LCOR: variants seen among roughly 807,000 people sequenced by gnomAD.
The protein encoded by LCOR is ligand-dependent corepressor.
Under a neutral mutation model 64.4 loss-of-function variants are expected in LCOR, and 14 were observed. The observed-to-expected ratio is 0.22, with a 90% CI of 0.14 to 0.34. LCOR has a LOEUF of 0.34. Among genes scored for constraint, LCOR ranks in the 10% least tolerant of loss-of-function variants. LCOR has a pLI of 1.00. For synonymous variants in LCOR, 643 were observed against 642.5 expected (o/e 1.00, Z -0.01); for missense variants, 1,686 against 1,765.3 (o/e 0.96, Z 0.80).
At chr10:96,940,522 C>G (rs1202089760) in intron 4 of LCOR, among the ~76,000 whole-genome samples, 1 of 113,494 alleles carries the variant, frequency 8.8e-6, no homozygotes, top group Non-Finnish European at 1.8e-5. Flanking sequence ...TGACTCTTAA[C>G]GAGCATGCTG....
chr10:96,879,697 C>CT (rs1846228981), intron 2 of LCOR, among the ~76,000 whole-genome samples: 3 of 152,244 alleles, frequency 2.0e-5, no homozygotes, highest in Middle Eastern at 6.8e-3. Flanking sequence ...TCACCTCACT[C>CT]TGTCGCCCAG....
chr10:96,969,870 CTT>C (rs1165645988), intron 7 of LCOR, among the ~76,000 whole-genome samples: 1 of 137,750 alleles, frequency 7.3e-6, no homozygotes, highest in Non-Finnish European at 1.5e-5. Context: ...AGCTCCGAGT[CTT>C]GGGTTCACAC....
At position 96,990,816 on chromosome 10, in the gene LCOR, G is replaced by A. The variant is rs1473918372; in HGVS notation, c.*5682G>A. 1 of 152,088 alleles carries A rather than the reference G, an allele frequency of 6.6e-6. No individual in the cohort carries two copies. Among genetic ancestry groups the A allele is most frequent in the Admixed American group, 6.6e-5 (1 of 15,256 alleles). The allele number at this position is 152,088 out of a possible 1,614,324, so 9.4% of individuals were successfully genotyped here. A position where few individuals can be genotyped will look rare whatever the true frequency, so the allele number is the denominator to read the frequency against. ...GAGATGTCCTTTGCTCCATCCTTCA[G>A]AGGGGCAGTTGTGTAGTTATGCTGC... On this transcript the variant is annotated 3_prime_UTR_variant, in exon 8 of 8. Coordinates refer to ENST00000421806, the MANE Select transcript of LCOR (RefSeq NM_001346516.2).
chr10:96,951,041 A>T (rs1186845526), intron 6 of LCOR, among the ~76,000 whole-genome samples: 1 of 152,122 alleles, frequency 6.6e-6, no homozygotes, highest in African/African-American at 2.4e-5. Flanking sequence ...AACAGCCGGA[A>T]ATAAAATGTC....
In LCOR at chr10:96,833,504, G is replaced by A. The variant is rs979407700; in HGVS notation, c.-330+25G>A. ...AGTAAGTGGCCCGTGTGGTGTCTCC[G>A]CTCCGCCCGCCGCCCCCTAGCCCCA... On this transcript the variant is annotated intron_variant, in intron 2 of 7. Transcript: ENST00000421806. The A allele has an allele frequency of 5.2e-6, 5 of 954,506 alleles. No homozygotes were observed. In the African/African-American group the frequency reaches 8.8e-5, roughly 17 times the overall value. 59.1% of individuals were successfully genotyped at this position (954,506 alleles called of 1,614,324 possible).
At chr10:96,956,860 C>T in intron 7 of LCOR, 1 of 985,230 alleles carries the variant, frequency 1.0e-6, no homozygotes, top group African/African-American at 1.7e-5. Flanking sequence ...AACTGAATAT[C>T]ATTGCAGCAA....
chr10:96,878,503 T>C lies in LCOR; in HGVS notation c.-329-28762T>C, dbSNP rs542609890. Among the ~76,000 whole-genome samples, 328 of 152,306 alleles carry C rather than the reference T, an allele frequency of 2.2e-3. 1 individual carries two copies. The highest frequency in any genetic ancestry group is 3.4e-3 in the Middle Eastern group (1 of 294). ...TAAAGAGAGGAGATTAGGAGGACTC[T>C]AAAGTTTTTGGTTTAAGCAACTGAA... On this transcript the variant is annotated intron_variant, in intron 2 of 7. Transcript: ENST00000421806.
chr10:96,953,676 T>C (rs1242853710), intron 7 of LCOR, among the ~76,000 whole-genome samples: 1 of 152,220 alleles, frequency 6.6e-6, no homozygotes, highest in Non-Finnish European at 1.5e-5. Flanking sequence ...GGCTACCAGG[T>C]TCATGTATTA....
intron 2 of LCOR, among the ~76,000 whole-genome samples, chr10:96,883,823 A>G (rs962898680): frequency 7.2e-5 from 11 of 152,126 alleles, no homozygotes; most frequent in African/African-American, 1.2e-4. Context: ...TTTCTTTTTA[A>G]TTAATGAATT....
intron 2 of LCOR, among the ~76,000 whole-genome samples, chr10:96,893,647 C>T (rs1270752763): frequency 6.6e-6 from 1 of 151,866 alleles, no homozygotes; most frequent in Admixed American, 6.6e-5. Flanking sequence ...TCTGTAGTCC[C>T]AGCTACTCGG....
chr10:96,944,804 T>A (rs1337662073), intron 5 of LCOR, among the ~76,000 whole-genome samples: 3 of 152,162 alleles, frequency 2.0e-5, no homozygotes, highest in African/African-American at 7.2e-5. Flanking sequence ...CTTGCATTTT[T>A]AAAATTTATC....
chr10:96,888,363 CAAAAAAAAAAAAAA>C (rs61076542), intron 2 of LCOR, among the ~76,000 whole-genome samples: 445 of 30,566 alleles, frequency 0.015, 8 homozygotes, highest in African/African-American at 0.063. Flanking sequence ...GACTCCGTCT[CAAAAAAAAAAAAAA>C]AAAAAAAAAA....
At chr10:96,891,106 G>T (rs1220570963) in intron 2 of LCOR, among the ~76,000 whole-genome samples, 1 of 151,950 alleles carries the variant, frequency 6.6e-6, no homozygotes, top group Non-Finnish European at 1.5e-5. Flanking sequence ...AGGAAGGATT[G>T]GTGTTCTTCT....
At chr10:96,978,244 A>G (rs1295961959) in intron 7 of LCOR, among the ~76,000 whole-genome samples, 1 of 152,204 alleles carries the variant, frequency 6.6e-6, no homozygotes, top group Admixed American at 6.5e-5. Context: ...GGAAAGTTGG[A>G]AATGTCCTAA....
At chr10:96,868,435 C>A (rs370513662) in intron 2 of LCOR, among the ~76,000 whole-genome samples, 11 of 151,726 alleles carry the variant, frequency 7.2e-5, no homozygotes, top group African/African-American at 2.4e-4. Context: ...CCACCACCCC[C>A]GGCTAATTTT....
intron 4 of LCOR, among the ~76,000 whole-genome samples, chr10:96,911,033 G>A (rs1267184907): frequency 6.6e-6 from 1 of 151,864 alleles, no homozygotes; most frequent in Admixed American, 6.6e-5. Context: ...GTAATTGTAA[G>A]GGAAAGGCAA....
chr10:96,886,960 C>A (rs56867696), intron 2 of LCOR, among the ~76,000 whole-genome samples: 22,052 of 152,058 alleles, frequency 0.15, 2,240 homozygotes, highest in African/African-American at 0.28. Flanking sequence ...GAGCAAGAAA[C>A]CTGTGACAAA....
At chr10:96,852,893 A>G (rs542960941) in intron 2 of LCOR, among the ~76,000 whole-genome samples, 80 of 152,084 alleles carry the variant, frequency 5.3e-4, no homozygotes, top group Non-Finnish European at 1.1e-3. Flanking sequence ...GTCTCTTCTC[A>G]TTTTCTCTAT....
intron 4 of LCOR, among the ~76,000 whole-genome samples, chr10:96,935,067 T>C (rs1015715828): frequency 6.6e-6 from 1 of 152,040 alleles, no homozygotes; most frequent in African/African-American, 2.4e-5. Context: ...TAATGTATTA[T>C]TTTAGAATTC....
Sources: gnomAD v4.1 joint callset for allele counts (sites outside exome capture counted in the v4.1 genomes callset) on GRCh38, gnomAD v4.1.1 for gene constraint, MANE v1.5 for transcripts, NCBI Gene and HGNC (gene_info 2026-07-23, HGNC 2026-07-21) for gene names.